Variants in SSH2 observed in about 807,000 individuals in gnomAD.
SSH2 encodes slingshot protein phosphatase 2, also known as protein phosphatase Slingshot homolog 2.
Under a neutral mutation model 135.2 loss-of-function variants are expected in SSH2, and 37 were observed. That is an observed-to-expected ratio of 0.27 (90% CI 0.21 to 0.36). The LOEUF is 0.36. Ranked by LOEUF, SSH2 falls within the 10% of genes least tolerant of loss-of-function variation. The pLI is 1.00. For synonymous variants in SSH2, 628 were observed against 646.2 expected (o/e 0.97, Z 0.43); for missense variants, 1,408 against 1,765.3 (o/e 0.80, Z 3.63).
intron 14 of SSH2, among the ~76,000 whole-genome samples, chr17:29,637,748 C>T (rs1416298017): frequency 6.6e-6 from 1 of 151,612 alleles, no homozygotes; most frequent in Non-Finnish European, 1.5e-5. Flanking sequence ...TGCCACTGCA[C>T]CCAGCCTGGG....
chr17:29,818,164 T>G (rs964863049), intron 2 of SSH2, among the ~76,000 whole-genome samples: 3 of 152,132 alleles, frequency 2.0e-5, no homozygotes, highest in Admixed American at 6.5e-5. Flanking sequence ...TTATTTGTAT[T>G]ATTTTTTATT....
chr17:29,830,936 A>T lies in SSH2; in HGVS notation c.144+17913T>A, dbSNP rs117075684. Among the ~76,000 whole-genome samples, 988 of 152,350 alleles carry T rather than the reference A, an allele frequency of 6.5e-3. 8 individuals are homozygous for T. The highest frequency in any genetic ancestry group is 0.029 in the South Asian group (139 of 4,834). ...AGTAGTGCTTTAATGCATGACAATGAGAGATGGAGGCTGATCATAAGTCCT... is the reference window on the plus strand; with the variant it reads ...AGTAGTGCTTTAATGCATGACAATGTGAGATGGAGGCTGATCATAAGTCCT... On this transcript the variant is annotated intron_variant, in intron 2 of 15. Transcript: ENST00000540801.
rs75270884 is a variant in SSH2, at chr17:29,685,143, T to C, written c.358-459A>G. On this transcript the variant is annotated intron_variant, in intron 5 of 15. Coordinates refer to ENST00000540801, the MANE Select transcript of SSH2 (RefSeq NM_001282129.2). ...CATCTAAGGGGAGTACTGACTTTGCTATACTGAATTCCTGCATGTTAATGC... is the reference window on the plus strand; with the variant it reads ...CATCTAAGGGGAGTACTGACTTTGCCATACTGAATTCCTGCATGTTAATGC... Among the ~76,000 whole-genome samples, 695 of 152,360 alleles carry C rather than the reference T, an allele frequency of 4.6e-3. 8 individuals are homozygous for C. Among genetic ancestry groups the C allele is most frequent in the African/African-American group, 0.016 (657 of 41,592 alleles).
chr17:29,747,477 CAGATTTGCCCTTTGGTGTGCAACAAG>C (rs1216084005), intron 3 of SSH2, among the ~76,000 whole-genome samples: 6 of 152,198 alleles, frequency 3.9e-5, no homozygotes, highest in Admixed American at 3.9e-4. Flanking sequence ...AGGGTGAGCC[CAGATTTGCCCTTTGGTGTGCAACAAG>C]AACAATCTAT....
intron 1 of SSH2, among the ~76,000 whole-genome samples, chr17:29,919,415 G>A (rs1008530676): frequency 1.3e-5 from 2 of 152,120 alleles, no homozygotes; most frequent in Non-Finnish European, 2.9e-5. Context: ...TCAGAGCCAC[G>A]AGTACCTCAC....
At chr17:29,852,554 A>ATT (rs200843957) in intron 1 of SSH2, among the ~76,000 whole-genome samples, 4 of 143,926 alleles carry the variant, frequency 2.8e-5, no homozygotes, top group African/African-American at 2.6e-5. Flanking sequence ...AAACCTGGTA[A>ATT]TTTTTTTTTT....
At chr17:29,878,218 A>G (rs183559527) in intron 1 of SSH2, among the ~76,000 whole-genome samples, 143 of 152,294 alleles carry the variant, frequency 9.4e-4, no homozygotes, top group Non-Finnish European at 1.6e-3. Flanking sequence ...ACCTGAGTTC[A>G]GGAGTTCGAG....
chr17:29,819,548 A>G (rs1286324538), intron 2 of SSH2, among the ~76,000 whole-genome samples: 3 of 152,192 alleles, frequency 2.0e-5, no homozygotes, highest in African/African-American at 4.8e-5. Flanking sequence ...GGCACACAAA[A>G]TGGTTTCGTT....
At chr17:29,827,557 T>TAATA (rs2042767603) in intron 2 of SSH2, among the ~76,000 whole-genome samples, 4 of 152,218 alleles carry the variant, frequency 2.6e-5, no homozygotes, top group Non-Finnish European at 4.4e-5. Context: ...TTTTAAGTAA[T>TAATA]AGTCAACAGC....
intron 2 of SSH2, among the ~76,000 whole-genome samples, chr17:29,839,575 G>A (rs1288577000): frequency 6.6e-6 from 1 of 152,138 alleles, no homozygotes; most frequent in African/African-American, 2.4e-5. Flanking sequence ...GTGAATTTCT[G>A]AGAATTGTGA....
intron 8 of SSH2, chr17:29,674,029 T>C (rs2037604444): frequency 6.6e-6 from 3 of 454,972 alleles, no homozygotes; most frequent in Non-Finnish European, 1.3e-5. Context: ...TCCATAGAAA[T>C]AGAGTTACTA....
chr17:29,643,081 G>C (rs1243881782), intron 14 of SSH2: 1 of 961,604 alleles, frequency 1.0e-6, no homozygotes, highest in Non-Finnish European at 1.2e-6. Context: ...TTTTTCTAAG[G>C]ATTTTCCTCT....
chr17:29,787,375 G>A (rs547256231), intron 3 of SSH2: 76 of 152,124 alleles, frequency 5.0e-4, no homozygotes, highest in African/African-American at 1.7e-3. Context: ...TCCATTCATC[G>A]TTGATGAACA....
intron 1 of SSH2, among the ~76,000 whole-genome samples, chr17:29,871,807 T>C (rs1451137785): frequency 6.6e-6 from 1 of 152,196 alleles, no homozygotes; most frequent in Non-Finnish European, 1.5e-5. Context: ...AATATGACAT[T>C]GTGTCAAAAA....
In SSH2 at chr17:29,627,278, T is replaced by A. The variant is rs967413917; in HGVS notation, c.*3563A>T. 2.6e-5 allele frequency: 4 copies of A among 152,786 alleles called. No individual in the cohort carries two copies. In the South Asian group the frequency reaches 8.3e-4, roughly 32 times the overall value. 9.5% of individuals were successfully genotyped at this position (152,786 alleles called of 1,614,324 possible). A position where few individuals can be genotyped will look rare whatever the true frequency, so the allele number is the denominator to read the frequency against. ...TTAAAAGTGACTTTTTGCATAATGC[T>A]TTCTTAAAAAAAGAACTCTCACAAA... On this transcript the variant is annotated 3_prime_UTR_variant, in exon 16 of 16. Transcript: ENST00000540801.
intron 1 of SSH2, among the ~76,000 whole-genome samples, chr17:29,910,400 A>G (rs1038617477): frequency 6.6e-6 from 1 of 152,208 alleles, no homozygotes; most frequent in African/African-American, 2.4e-5. Flanking sequence ...ATACCTAGGC[A>G]ATATTTATGC....
intron 2 of SSH2, among the ~76,000 whole-genome samples, chr17:29,826,351 A>G (rs1289783855): frequency 6.6e-6 from 1 of 152,232 alleles, no homozygotes; most frequent in African/African-American, 2.4e-5. Context: ...TCACATGACC[A>G]TGTCAGTTCC....
chr17:29,919,419 ACCT>A (rs750312923), intron 1 of SSH2, among the ~76,000 whole-genome samples: 5 of 152,152 alleles, frequency 3.3e-5, no homozygotes, highest in Non-Finnish European at 5.9e-5. Context: ...AGCCACGAGT[ACCT>A]CACCAGACTT....
chr17:29,698,652 C>G (rs1042466259), intron 4 of SSH2, among the ~76,000 whole-genome samples: 3 of 151,858 alleles, frequency 2.0e-5, no homozygotes, highest in Admixed American at 6.6e-5. Context: ...TGCACCACAA[C>G]GCCTAGCTAA....
Sources: gnomAD v4.1 joint callset for allele counts (sites outside exome capture counted in the v4.1 genomes callset) on GRCh38, gnomAD v4.1.1 for gene constraint, MANE v1.5 for transcripts, NCBI Gene and HGNC (gene_info 2026-07-23, HGNC 2026-07-21) for gene names.